The following SREK1IP1 variants were observed in gnomAD, a reference collection of about 807,000 sequenced individuals.
The protein encoded by SREK1IP1 is SREK1 interacting protein 1.
Under a neutral mutation model 22.8 loss-of-function variants are expected in SREK1IP1, and 12 were observed. The ratio of observed to expected loss-of-function variants is 0.53; its 90% CI spans 0.34 to 0.85. The LOEUF (loss-of-function observed/expected upper bound fraction) is 0.85, where lower values mean the gene tolerates loss of function less well. Ranked by LOEUF, SREK1IP1 falls within the 40% of genes least tolerant of loss-of-function variation. SREK1IP1 has a pLI of 0.02. For synonymous variants in SREK1IP1, 53 were observed against 52.7 expected (o/e 1.01, Z -0.02); for missense variants, 147 against 171.8 (o/e 0.86, Z 0.81).
At chr5:64,767,581 A>C (rs1743065046) in intron 1 of SREK1IP1, among the ~76,000 whole-genome samples, 4 of 152,236 alleles carry the variant, frequency 2.6e-5, no homozygotes, top group Admixed American at 2.6e-4. Context: ...CAGAATAAAG[A>C]ACCTGGTCAA....
chr5:64,718,165 A>T lies in SREK1IP1; in HGVS notation c.*6219T>A. The T allele has an allele frequency of 1.7e-6, 1 of 597,252 alleles. No individual in the cohort carries two copies. The highest frequency in any genetic ancestry group is 1.9e-5 in the African/African-American group (1 of 51,472). The allele number at this position is 597,252 out of a possible 1,614,324, so 37.0% of individuals were successfully genotyped here. The stretch of plus-strand genomic sequence containing the variant: ...CAGCTGCATTTTTGATCATTCAGTT[A>T]CTTTATTAAACGCACATTAAGGTTT... On this transcript the variant is annotated 3_prime_UTR_variant, in exon 5 of 5. Coordinates refer to ENST00000513458, the MANE Select transcript of SREK1IP1 (RefSeq NM_173829.4).
intron 1 of SREK1IP1, among the ~76,000 whole-genome samples, chr5:64,757,266 T>A (rs1435544243): frequency 3.3e-5 from 5 of 152,190 alleles, no homozygotes; most frequent in Admixed American, 1.3e-4. Context: ...GGTCCTGGCA[T>A]GTGCTTTTAG....
chr5:64,760,871 CAG>C (rs1326385533), intron 1 of SREK1IP1, among the ~76,000 whole-genome samples: 1 of 152,154 alleles, frequency 6.6e-6, no homozygotes, highest in Admixed American at 6.5e-5. Context: ...TAAGTCCAGA[CAG>C]AGAAGGACTT....
At chr5:64,759,654 T>C (rs1367623603) in intron 1 of SREK1IP1, among the ~76,000 whole-genome samples, 1 of 151,754 alleles carries the variant, frequency 6.6e-6, no homozygotes, top group Non-Finnish European at 1.5e-5. Flanking sequence ...TCTCAGCAAA[T>C]CATTAAGAAA....
At chr5:64,760,371 A>ACTGCT (rs1433803827) in intron 1 of SREK1IP1, among the ~76,000 whole-genome samples, 10 of 152,362 alleles carry the variant, frequency 6.6e-5, no homozygotes, top group African/African-American at 2.2e-4. Context: ...AGAACAGACA[A>ACTGCT]TAACATACAG....
chr5:64,740,540 T>G (rs1161089611), intron 3 of SREK1IP1, among the ~76,000 whole-genome samples: 1 of 152,192 alleles, frequency 6.6e-6, no homozygotes, highest in African/African-American at 2.4e-5. Flanking sequence ...CCTGGGGAGC[T>G]GTATTGGCAT....
rs540265742 is a variant in SREK1IP1, at chr5:64,742,798, T to C, written c.62-1598A>G. ...GTTGTTGGCCTTTGAATATTCTTAGTTCTTTATTTTTTTCTAGTATATTAA... is the reference window on the plus strand; with the variant it reads ...GTTGTTGGCCTTTGAATATTCTTAGCTCTTTATTTTTTTCTAGTATATTAA... On this transcript the variant is annotated intron_variant, in intron 2 of 4. Transcript: ENST00000513458. Among the ~76,000 whole-genome samples, 12 of 152,286 alleles carry C rather than the reference T, an allele frequency of 7.9e-5. No homozygotes were observed. The South Asian group carries it at 2.5e-3, about 32-fold the overall frequency.
intron 4 of SREK1IP1, among the ~76,000 whole-genome samples, chr5:64,724,830 A>C (rs1004700176): frequency 6.6e-6 from 1 of 152,154 alleles, no homozygotes; most frequent in Non-Finnish European, 1.5e-5. Context: ...ATAAGGATGA[A>C]ATTATTTTTC....
At chr5:64,739,955 T>A (rs554984203) in intron 3 of SREK1IP1, among the ~76,000 whole-genome samples, 38 of 152,272 alleles carry the variant, frequency 2.5e-4, no homozygotes, top group Middle Eastern at 3.4e-3. Context: ...CTAAAATGAA[T>A]TTAAAATTTG....
intron 1 of SREK1IP1, 173 bp from the exon 2 acceptor site, chr5:64,754,535 G>C (rs1742804542): frequency 1.8e-6 from 1 of 565,734 alleles, no homozygotes; most frequent in South Asian, 2.2e-5. Flanking sequence ...CATGATCACA[G>C]CTCACTACAG....
intron 4 of SREK1IP1, among the ~76,000 whole-genome samples, chr5:64,727,352 T>C (rs1742288686): frequency 7.1e-6 from 1 of 140,200 alleles, no homozygotes; most frequent in Admixed American, 6.8e-5. Flanking sequence ...ACCAGTTAGT[T>C]TTTAAAAGAG....
chr5:64,741,477 T>A (rs989244192), intron 2 of SREK1IP1, among the ~76,000 whole-genome samples: 2 of 152,124 alleles, frequency 1.3e-5, no homozygotes, highest in African/African-American at 4.8e-5. Flanking sequence ...AAGTATTGAG[T>A]TATTCTATTT....
At chr5:64,732,468 T>C (rs902913449) in intron 3 of SREK1IP1, among the ~76,000 whole-genome samples, 6 of 152,142 alleles carry the variant, frequency 3.9e-5, no homozygotes, top group Non-Finnish European at 7.4e-5. Context: ...AGATACAGTA[T>C]CATTTATAAT....
At chr5:64,748,925 T>C (rs1041704170) in intron 2 of SREK1IP1, among the ~76,000 whole-genome samples, 4 of 152,064 alleles carry the variant, frequency 2.6e-5, no homozygotes, top group Non-Finnish European at 4.4e-5. Context: ...TAAAATAATA[T>C]CTTTCATGCA....
chr5:64,739,817 C>G (rs747262337), intron 3 of SREK1IP1, among the ~76,000 whole-genome samples: 1 of 152,026 alleles, frequency 6.6e-6, no homozygotes, highest in Non-Finnish European at 1.5e-5. Context: ...GATTCTCTCC[C>G]TCTTTTTCCT....
intron 3 of SREK1IP1, among the ~76,000 whole-genome samples, chr5:64,738,402 C>G (rs114680725): frequency 6.6e-6 from 1 of 152,098 alleles, no homozygotes; most frequent in Non-Finnish European, 1.5e-5. Context: ...GTTAAAATGC[C>G]TACATTATCT....
intron 1 of SREK1IP1, among the ~76,000 whole-genome samples, chr5:64,755,777 C>T (rs767582045): frequency 3.3e-5 from 5 of 151,786 alleles, no homozygotes; most frequent in Non-Finnish European, 7.4e-5. Context: ...AATTCTATAG[C>T]ATTGAGGAAG....
chr5:64,759,360 T>A (rs1033832723), intron 1 of SREK1IP1, among the ~76,000 whole-genome samples: 2 of 152,192 alleles, frequency 1.3e-5, no homozygotes, highest in Non-Finnish European at 1.5e-5. Flanking sequence ...TCAGCTAAGT[T>A]ACCTACTTCC....
At chr5:64,741,690 AAAG>A (rs1255508673) in intron 2 of SREK1IP1, among the ~76,000 whole-genome samples, 8 of 152,184 alleles carry the variant, frequency 5.3e-5, no homozygotes, top group African/African-American at 1.9e-4. Flanking sequence ...GTGCTTTACT[AAAG>A]AATACCTAAA....
Sources: allele counts gnomAD v4.1 joint callset (sites outside exome capture counted in the v4.1 genomes callset), GRCh38; gene constraint gnomAD v4.1.1; transcripts MANE v1.5; gene names NCBI Gene and HGNC (gene_info 2026-07-23, HGNC 2026-07-21).